Variants in MAML3 observed in about 807,000 individuals in gnomAD.
MAML3 encodes mastermind-like protein 3.
A neutral mutation model predicts 101.9 loss-of-function variants in MAML3; 27 were observed. The observed-to-expected ratio is 0.27, with a 90% CI of 0.20 to 0.37. The LOEUF (loss-of-function observed/expected upper bound fraction) is 0.37. Ranked by LOEUF, MAML3 falls within the 10% of genes least tolerant of loss-of-function variation. The probability of loss-of-function intolerance (pLI) is 1.00; values close to 1 mark genes in which losing one functional copy is unlikely to be tolerated. For synonymous variants in MAML3, 501 were observed against 555.9 expected, an observed-to-expected ratio of 0.90 and a Z score of 1.39; for missense variants, 1,316 against 1,444.9, an observed-to-expected ratio of 0.91 and a Z score of 1.45.
chr4:139,941,573 T>C (rs1243119820), intron 1 of MAML3, among the ~76,000 whole-genome samples: 1 of 152,032 alleles, frequency 6.6e-6, no homozygotes, highest in Non-Finnish European at 1.5e-5. Flanking sequence ...GTGGTATTGG[T>C]AGTGGATTTT....
intron 1 of MAML3, among the ~76,000 whole-genome samples, chr4:139,969,989 G>A (rs947174018): frequency 1.3e-5 from 2 of 152,126 alleles, no homozygotes; most frequent in Non-Finnish European, 2.9e-5. Context: ...CTGACCTTGG[G>A]CAATATTCAA....
intron 1 of MAML3, among the ~76,000 whole-genome samples, chr4:140,074,233 G>GAAAGAAAGAAAGA (rs1727727232): frequency 7.1e-6 from 1 of 140,808 alleles, no homozygotes; most frequent in African/African-American, 2.5e-5. Flanking sequence ...AAGAAAGAAA[G>GAAAGAAAGAAAGA]AAAGAAAGAA....
intron 2 of MAML3, among the ~76,000 whole-genome samples, chr4:139,829,710 G>C (rs1390762456): frequency 6.6e-6 from 1 of 152,200 alleles, no homozygotes; most frequent in African/African-American, 2.4e-5. Context: ...TGCTGTGCTA[G>C]GAAAATCTTG....
rs753699556 is a variant in MAML3 at position 139,785,830 on chromosome 4, G to C, written c.2080-55163C>G. ...AAGCTTCTCATACACAGAGAAGGGG[G>C]CCTGGGAATTCTAATGACAATTTAA... On this transcript the variant is annotated intron_variant, in intron 2 of 4. Coordinates refer to ENST00000509479, the MANE Select transcript of MAML3 (RefSeq NM_018717.5). This position sits in a 1 kb window ranked among gnomAD's most constrained non-coding sequence, Gnocchi z 4.3. Among the ~76,000 whole-genome samples the C allele has an allele frequency of 1.3e-5, 2 of 152,122 alleles. No individual in the cohort carries two copies. The highest frequency in any genetic ancestry group is 2.9e-5 in the Non-Finnish European group (2 of 68,020).
intron 1 of MAML3, among the ~76,000 whole-genome samples, chr4:139,949,356 A>G (rs1341690959): frequency 6.6e-6 from 1 of 152,226 alleles, no homozygotes; most frequent in East Asian, 1.9e-4. Flanking sequence ...ATCATAAGAT[A>G]GAAGCGGTAT....
intron 1 of MAML3, among the ~76,000 whole-genome samples, chr4:139,966,405 T>C (rs960351230): frequency 6.6e-6 from 1 of 152,100 alleles, no homozygotes; most frequent in Non-Finnish European, 1.5e-5. Flanking sequence ...ACTAGAAACA[T>C]GCAAGGATTT....
At chr4:139,767,386 T>C (rs1283540666) in intron 2 of MAML3, among the ~76,000 whole-genome samples, 2 of 152,254 alleles carry the variant, frequency 1.3e-5, no homozygotes, top group African/African-American at 4.8e-5. Flanking sequence ...GTTTAAGCTG[T>C]CTTAAAAGCT....
intron 2 of MAML3, among the ~76,000 whole-genome samples, chr4:139,741,161 C>A (rs1372676118): frequency 1.3e-5 from 2 of 152,096 alleles, no homozygotes; most frequent in African/African-American, 4.8e-5. Flanking sequence ...CAGGGAAAAA[C>A]AAGGAAGCAG....
At chr4:139,861,347 G>A (rs748087129) in intron 2 of MAML3, among the ~76,000 whole-genome samples, 2 of 152,008 alleles carry the variant, frequency 1.3e-5, no homozygotes, top group Admixed American at 6.6e-5. Context: ...CTTGGCCCCT[G>A]CTTCTTAATT....
At chr4:140,092,092 A>ATATATATACG (rs1728066449) in intron 1 of MAML3, among the ~76,000 whole-genome samples, 2 of 127,406 alleles carry the variant, frequency 1.6e-5, no homozygotes, top group African/African-American at 5.8e-5. Context: ...ATATACGTAT[A>ATATATATACG]TATATATATA....
At chr4:139,831,391 G>A (rs976526155) in intron 2 of MAML3, among the ~76,000 whole-genome samples, 5 of 152,128 alleles carry the variant, frequency 3.3e-5, no homozygotes, top group Admixed American at 2.6e-4. Flanking sequence ...AACATTTGAA[G>A]ATTCACTGAC....
intron 1 of MAML3, among the ~76,000 whole-genome samples, chr4:140,025,268 T>C (rs964586666): frequency 6.6e-6 from 1 of 152,186 alleles, no homozygotes; most frequent in Non-Finnish European, 1.5e-5. Flanking sequence ...ACTCTCCATT[T>C]TTCTGAGAAA....
At chr4:139,784,448 G>A (rs1031110123) in intron 2 of MAML3, among the ~76,000 whole-genome samples, 1 of 152,106 alleles carries the variant, frequency 6.6e-6, no homozygotes, top group African/African-American at 2.4e-5. Flanking sequence ...GCTTACTTGC[G>A]AGGCTCCAGG....
intron 2 of MAML3, among the ~76,000 whole-genome samples, chr4:139,742,409 A>G (rs1413569295): frequency 6.6e-6 from 1 of 152,172 alleles, no homozygotes; most frequent in Non-Finnish European, 1.5e-5. Context: ...TTGGCCTCCC[A>G]AAGTGCTGGG....
At chr4:139,886,511 T>C (rs944851530) in intron 2 of MAML3, among the ~76,000 whole-genome samples, 1 of 152,148 alleles carries the variant, frequency 6.6e-6, no homozygotes, top group African/African-American at 2.4e-5. Flanking sequence ...AATAACATTT[T>C]AGTTATTCAG....
intron 1 of MAML3, among the ~76,000 whole-genome samples, chr4:139,976,218 A>T (rs959815512): frequency 1.3e-5 from 2 of 152,244 alleles, no homozygotes; most frequent in Non-Finnish European, 2.9e-5. Context: ...CACAAAATAC[A>T]GGAAAGACAG....
At chr4:140,146,790 T>C (rs1189536384) in intron 1 of MAML3, among the ~76,000 whole-genome samples, 1 of 152,058 alleles carries the variant, frequency 6.6e-6, no homozygotes, top group Admixed American at 6.6e-5. Flanking sequence ...AAAGGTGATA[T>C]AACACCCTGA....
chr4:140,005,569 C>A (rs1289343360), intron 1 of MAML3, among the ~76,000 whole-genome samples: 2 of 152,148 alleles, frequency 1.3e-5, no homozygotes, highest in Admixed American at 6.5e-5. Context: ...TACCATCAGA[C>A]AACAAATTAA....
At chr4:139,751,829 A>G (rs1188778583) in intron 2 of MAML3, among the ~76,000 whole-genome samples, 1 of 152,210 alleles carries the variant, frequency 6.6e-6, no homozygotes, top group Non-Finnish European at 1.5e-5. Context: ...TTTGACCTCT[A>G]ATCCGCAAAG....
Sources: gnomAD v4.1 joint callset for allele counts (sites outside exome capture counted in the v4.1 genomes callset) on GRCh38, gnomAD v4.1.1 for gene constraint, Gnocchi (gnomAD v3.1) non-coding constraint, MANE v1.5 for transcripts, NCBI Gene and HGNC (gene_info 2026-07-23, HGNC 2026-07-21) for gene names.